The following CORO2B variants were observed in gnomAD, a reference collection of about 807,000 sequenced individuals.
CORO2B encodes the protein coronin-2B.
CORO2B carries 26 observed loss-of-function variants against 58.8 expected under a neutral mutation model. The observed-to-expected ratio is 0.44, with a 90% confidence interval of 0.32 to 0.61. The LOEUF (loss-of-function observed/expected upper bound fraction) is 0.61, where lower values mean the gene tolerates loss of function less well. Ranked by LOEUF, CORO2B falls within the 20% of genes least tolerant of loss-of-function variation. CORO2B has a pLI of 0.04. For synonymous variants in CORO2B, 242 were observed against 253.8 expected (o/e 0.95, Z 0.44); for missense variants, 460 against 645.1 (o/e 0.71, Z 3.11).
chr15:68,531,116 A>G, the CORO2B span, among the ~76,000 whole-genome samples: 11 of 152,268 alleles, frequency 7.2e-5, no homozygotes, highest in African/African-American at 2.6e-4. Flanking sequence ...TTACAACACT[A>G]TACTCTCATT....
chr15:68,544,147 G>A, the CORO2B span, among the ~76,000 whole-genome samples: 3 of 152,238 alleles, frequency 2.0e-5, no homozygotes, highest in African/African-American at 7.2e-5. Context: ...CAGAGGTGCT[G>A]ATGGTCCACT....
At chr15:68,577,250 C>T (rs574759076), upstream of CORO2B, among the ~76,000 whole-genome samples, 4 of 152,276 alleles carry the variant, frequency 2.6e-5, no homozygotes, top group Middle Eastern at 3.4e-3. Context: ...CTGCAGTTCA[C>T]GGATTCAAAG....
chr15:68,700,189 A>G (rs1259906966), intron 3 of CORO2B, among the ~76,000 whole-genome samples: 1 of 152,104 alleles, frequency 6.6e-6, no homozygotes, highest in Non-Finnish European at 1.5e-5. Flanking sequence ...CAGACACGAC[A>G]TCCAGACCCA....
the CORO2B span, among the ~76,000 whole-genome samples, chr15:68,540,934 T>A: frequency 6.6e-6 from 1 of 152,188 alleles, no homozygotes; most frequent in East Asian, 1.9e-4. Context: ...TAGTCGTGAC[T>A]TTTCAGATCC....
the CORO2B span, among the ~76,000 whole-genome samples, chr15:68,546,094 A>G: frequency 6.6e-6 from 1 of 152,132 alleles, no homozygotes; most frequent in Admixed American, 6.5e-5. Context: ...TTGGGTAGAA[A>G]ATCGACTTGG....
At chr15:68,692,572 G>A (rs1056669418) in intron 2 of CORO2B, among the ~76,000 whole-genome samples, 3 of 149,596 alleles carry the variant, frequency 2.0e-5, no homozygotes, top group Non-Finnish European at 4.4e-5. Flanking sequence ...GCGACAGAGT[G>A]AGACTCTGTC....
rs1899888335 is a variant in CORO2B, at chr15:68,598,163, G to C, written c.15+18886G>C. Among the ~76,000 whole-genome samples, 3 of 152,366 alleles carry C rather than the reference G, an allele frequency of 2.0e-5. No individual in the cohort carries two copies. In the South Asian group the frequency reaches 6.2e-4, roughly 32 times the overall value. On this transcript the variant is annotated intron_variant, in intron 1 of 11. Transcript: ENST00000261861. The stretch of plus-strand genomic sequence containing the variant: ...CTGTTTCAGAGAATCGGATCCCAGA[G>C]GCTGAAGCTCAGTGCCCTGGGCTCT...
intron 1 of CORO2B, among the ~76,000 whole-genome samples, chr15:68,635,413 G>A (rs1256939636): frequency 6.6e-6 from 1 of 152,194 alleles, no homozygotes; most frequent in African/African-American, 2.4e-5. Flanking sequence ...GCCCAGTGGA[G>A]CATGGATGCT....
the CORO2B span, among the ~76,000 whole-genome samples, chr15:68,545,925 G>C: frequency 2.1e-3 from 319 of 152,302 alleles, 1 homozygote; most frequent in Non-Finnish European, 3.9e-3. Context: ...GGCACTCAGA[G>C]ACTTGGCATT....
At chr15:68,624,447 C>T (rs1595974509) in intron 1 of CORO2B, among the ~76,000 whole-genome samples, 2 of 152,132 alleles carry the variant, frequency 1.3e-5, no homozygotes, top group Non-Finnish European at 1.5e-5. Context: ...AAATAACAAT[C>T]GTGATCAGCA....
rs193149187 is a variant in CORO2B, at chr15:68,615,954, G to T, written c.16-29206G>T. On this transcript the variant is annotated intron_variant, in intron 1 of 11. Transcript: ENST00000261861. ...ATAGAGACATAAACTTTGCCCAGATGAGCAGGGTGGAGGAGGCTGCCGTTT... is the reference window on the plus strand; with the variant it reads ...ATAGAGACATAAACTTTGCCCAGATTAGCAGGGTGGAGGAGGCTGCCGTTT... 2.8e-3 allele frequency among the ~76,000 whole-genome samples: 434 copies of T among 152,310 alleles called. 3 individuals carry two copies. The highest frequency in any genetic ancestry group is 5.1e-3 in the Non-Finnish European group (345 of 68,030).
At chr15:68,618,228 A>AT (rs1268161143) in intron 1 of CORO2B, among the ~76,000 whole-genome samples, 4 of 152,096 alleles carry the variant, frequency 2.6e-5, no homozygotes, top group African/African-American at 9.7e-5. Flanking sequence ...ACTCTGCTTC[A>AT]TTTTTTTTAA....
intron 2 of CORO2B, among the ~76,000 whole-genome samples, chr15:68,692,795 G>A (rs1892413916): frequency 6.6e-6 from 1 of 151,050 alleles, no homozygotes; most frequent in African/African-American, 2.4e-5. Context: ...CACCATGCCT[G>A]GCTAATTTTT....
chr15:68,554,857 AG>A, the CORO2B span, among the ~76,000 whole-genome samples: 1 of 151,380 alleles, frequency 6.6e-6, no homozygotes, highest in African/African-American at 2.4e-5. Flanking sequence ...GTGTGGGGCC[AG>A]GGTCAGAAAA....
At chr15:68,554,222 G>A in the CORO2B span, among the ~76,000 whole-genome samples, 1,678 of 152,206 alleles carry the variant, frequency 0.011, 40 homozygotes, top group African/African-American at 0.039. Context: ...CATATTTGGG[G>A]AGGTGAGCAG....
intron 2 of CORO2B, among the ~76,000 whole-genome samples, chr15:68,651,728 T>G (rs2140278576): frequency 6.6e-6 from 1 of 152,300 alleles, no homozygotes; most frequent in East Asian, 1.9e-4. Flanking sequence ...TGCTTGCTTT[T>G]CTAAGAGATT....
chr15:68,714,086 C>T (rs755922516), intron 6 of CORO2B, 45 bp downstream of exon 6: 11 of 1,328,208 alleles, frequency 8.3e-6, no homozygotes, highest in East Asian at 2.3e-5. Flanking sequence ...AAGGAAGCAT[C>T]GTTGCCTCGG....
rs1902846030 is a variant in CORO2B, at chr15:68,683,189, CA to C, written c.217-11950del. Reference sequence around the variant, plus strand: ...TCCATGCCTATATCTCTCTCTAGGCCACCCCCAGTTGGGATAGATTCCTCTA... The same window carrying C: ...TCCATGCCTATATCTCTCTCTAGGCCCCCCCAGTTGGGATAGATTCCTCTA... On this transcript the variant is annotated intron_variant, in intron 2 of 11. Coordinates refer to ENST00000261861, the MANE Select transcript of CORO2B (RefSeq NM_006091.5). 2.0e-5 allele frequency among the ~76,000 whole-genome samples: 3 copies of C among 152,300 alleles called. No homozygotes were observed. In the South Asian group the frequency reaches 6.2e-4, roughly 32 times the overall value.
At chr15:68,691,834 G>T (rs1420967555) in intron 2 of CORO2B, among the ~76,000 whole-genome samples, 1 of 152,084 alleles carries the variant, frequency 6.6e-6, no homozygotes, top group African/African-American at 2.4e-5. Flanking sequence ...GTGGGCTGCT[G>T]GCTAGAAGCT....
Sources: gnomAD v4.1 joint callset for allele counts (sites outside exome capture counted in the v4.1 genomes callset) on GRCh38, gnomAD v4.1.1 for gene constraint, MANE v1.5 for transcripts, NCBI Gene and HGNC (gene_info 2026-07-23, HGNC 2026-07-21) for gene names.